Variants in LRTM3 observed in about 807,000 individuals in gnomAD.
The protein encoded by LRTM3 is leucine-rich repeat transmembrane protein 3.
At chr13:102,753,428 G>A in the LRTM3 span, among the ~76,000 whole-genome samples, 4 of 150,796 alleles carry the variant, frequency 2.7e-5, no homozygotes, top group Non-Finnish European at 5.9e-5. Flanking sequence ...AACCACCATG[G>A]CACATGTATA....
At chr13:102,738,351 A>T in the LRTM3 span, 5,617 of 1,550,912 alleles carry the variant, frequency 3.6e-3, 13 homozygotes, top group Non-Finnish European at 4.7e-3. Flanking sequence ...TCTGGAAGAT[A>T]GTATCTTGTT....
the LRTM3 span, chr13:102,746,913 T>A: frequency 6.4e-7 from 1 of 1,551,226 alleles, no homozygotes; most frequent in Non-Finnish European, 8.7e-7. Flanking sequence ...CTCTTCACAT[T>A]CTCAGCATGA....
At chr13:102,731,077 G>A in the LRTM3 span, 4 of 1,551,352 alleles carry the variant, frequency 2.6e-6, no homozygotes, top group Admixed American at 5.9e-5. Flanking sequence ...TTACTGAGTG[G>A]TTTTGGAGGG....
At chr13:102,730,796 G>A in the LRTM3 span, 24 of 1,551,366 alleles carry the variant, frequency 1.5e-5, 1 homozygote, top group African/African-American at 4.1e-5. Context: ...CTTAGGGAAC[G>A]TACTTCCAAC....
the LRTM3 span, chr13:102,741,043 C>T: frequency 1.3e-6 from 2 of 1,550,156 alleles, no homozygotes; most frequent in South Asian, 2.4e-5. Flanking sequence ...CTTTTGAACT[C>T]ATGATTTCTT....
the LRTM3 span, chr13:102,745,318 T>C: frequency 1.3e-6 from 2 of 1,550,746 alleles, no homozygotes; most frequent in Non-Finnish European, 1.7e-6. Flanking sequence ...CATGTGGAGA[T>C]GTATCTTGCT....
At chr13:102,739,465 T>G in the LRTM3 span, 1 of 1,550,586 alleles carries the variant, frequency 6.4e-7, no homozygotes, top group Non-Finnish European at 8.7e-7. Context: ...CTGACTTATC[T>G]TTACCTGCTT....
At chr13:102,753,626 A>G in the LRTM3 span, among the ~76,000 whole-genome samples, 1 of 152,164 alleles carries the variant, frequency 6.6e-6, no homozygotes, top group Non-Finnish European at 1.5e-5. Flanking sequence ...ACCATGAGAA[A>G]ATAAATTTCT....
chr13:102,745,290 G>A, the LRTM3 span: 34 of 1,550,128 alleles, frequency 2.2e-5, no homozygotes, highest in Admixed American at 7.9e-5. Flanking sequence ...TTAATGTCAC[G>A]TGAAGTAATA....
the LRTM3 span, chr13:102,732,491 A>G: frequency 1.3e-6 from 2 of 1,550,996 alleles, no homozygotes; most frequent in African/African-American, 2.7e-5. Context: ...AGAAAGAGGA[A>G]CATATGAATA....
chr13:102,753,494 TAA>T, the LRTM3 span, among the ~76,000 whole-genome samples: 11,389 of 124,362 alleles, frequency 0.092, 616 homozygotes, highest in Admixed American at 0.15. Flanking sequence ...AAAGTAAAAT[TAA>T]AAAAAAAAAA....
At chr13:102,745,840 C>T in the LRTM3 span, 1 of 1,551,094 alleles carries the variant, frequency 6.4e-7, no homozygotes, top group Non-Finnish European at 8.7e-7. Context: ...GAAATTGATC[C>T]AGTGTAGGGC....
At chr13:102,736,434 G>A in the LRTM3 span, 1 of 1,551,122 alleles carries the variant, frequency 6.4e-7, no homozygotes, top group Non-Finnish European at 8.7e-7. Flanking sequence ...TCTTTCTGTG[G>A]AAGGAGTTGT....
chr13:102,729,697 A>G, the LRTM3 span: 12 of 1,551,918 alleles, frequency 7.7e-6, no homozygotes, highest in Non-Finnish European at 1.0e-5. Flanking sequence ...TGATATCGTC[A>G]TGATGAGGTT....
chr13:102,738,703 T>A, the LRTM3 span: 25 of 1,550,584 alleles, frequency 1.6e-5, no homozygotes, highest in African/African-American at 1.4e-5. Flanking sequence ...AAAAAGAGGA[T>A]CTCATTTTTA....
At chr13:102,749,768 A>G in the LRTM3 span, 5 of 1,551,248 alleles carry the variant, frequency 3.2e-6, no homozygotes, top group Non-Finnish European at 4.4e-6. Flanking sequence ...GACTTCATAA[A>G]GACCTTGATT....
the LRTM3 span, chr13:102,735,457 T>C: frequency 1.9e-6 from 3 of 1,551,366 alleles, no homozygotes; most frequent in Non-Finnish European, 2.6e-6. Flanking sequence ...TAAGATATGG[T>C]GGAGTAAGTA....
chr13:102,742,787 C>A, the LRTM3 span: 1 of 1,550,444 alleles, frequency 6.4e-7, no homozygotes, highest in Admixed American at 2.0e-5. Context: ...TGAATGCCTG[C>A]CAACAGAATC....
At chr13:102,747,942 C>A in the LRTM3 span, 1 of 1,551,226 alleles carries the variant, frequency 6.4e-7, no homozygotes, top group South Asian at 1.2e-5. Flanking sequence ...TGTGTCAGCT[C>A]TGAATTTGCC....
Sources: gnomAD v4.1 joint callset for allele counts (sites outside exome capture counted in the v4.1 genomes callset) on GRCh38, gnomAD v4.1.1 for gene constraint, MANE v1.5 for transcripts, NCBI Gene and HGNC (gene_info 2026-07-23, HGNC 2026-07-21) for gene names.